Variants in KALRN observed in about 807,000 individuals in gnomAD.
KALRN encodes kalirin RhoGEF kinase, also known as kalirin.
A neutral mutation model predicts 353.7 loss-of-function variants in KALRN; 70 were observed. The observed-to-expected ratio is 0.20, with a 90% CI of 0.16 to 0.24. KALRN has a LOEUF of 0.24. Ranked by LOEUF, KALRN falls within the 10% of genes least tolerant of loss-of-function variation. The pLI, the probability that KALRN is intolerant of heterozygous loss-of-function variation, is 1.00. For synonymous variants in KALRN, 1,391 were observed against 1,434.8 expected (o/e 0.97, Z 0.69); for missense variants, 2,791 against 3,756.7 (o/e 0.74, Z 6.72).
chr3:124,299,049 A>G lies in KALRN; in HGVS notation c.1092+136A>G, dbSNP rs1389055796. The G allele has an allele frequency of 4.2e-6, 5 of 1,184,640 alleles. No individual in the cohort carries two copies. The Admixed American group carries it at 9.7e-5, about 23-fold the overall frequency. 73.4% of individuals were successfully genotyped at this position (1,184,640 alleles called of 1,614,324 possible). A position where few individuals can be genotyped will look rare whatever the true frequency, so the allele number is the denominator to read the frequency against. ...GACCCTTTGGTGTTCCATTTGTTGG[A>G]ATGGGGATGAGTGCAGGGCATGTGG... On this transcript the variant is annotated intron_variant, in intron 6 of 59. Coordinates refer to ENST00000682506, the MANE Select transcript of KALRN (RefSeq NM_001388419.1).
intron 33 of KALRN, among the ~76,000 whole-genome samples, chr3:124,536,444 C>T (rs946804010): frequency 4.6e-5 from 7 of 152,116 alleles, no homozygotes; most frequent in African/African-American, 1.2e-4. Flanking sequence ...TCAGGTGATT[C>T]GCCTGCCTCA....
chr3:124,654,998 G>C (rs1198276665), intron 38 of KALRN, among the ~76,000 whole-genome samples: 1 of 152,310 alleles, frequency 6.6e-6, no homozygotes, highest in Non-Finnish European at 1.5e-5. Flanking sequence ...TGTGATTTTG[G>C]AATGTCTGCA....
intron 37 of KALRN, among the ~76,000 whole-genome samples, chr3:124,642,951 G>T (rs865804690): frequency 1.3e-5 from 2 of 151,716 alleles, no homozygotes; most frequent in African/African-American, 4.8e-5. Flanking sequence ...TGAGTAGCTG[G>T]GATTAACAGG....
At chr3:124,143,031 C>T (rs564676769) in intron 1 of KALRN, among the ~76,000 whole-genome samples, 24 of 151,888 alleles carry the variant, frequency 1.6e-4, no homozygotes, top group Non-Finnish European at 3.4e-4. Flanking sequence ...GCACCTAATA[C>T]AGTTTCTAGT....
chr3:124,692,403 CT>C, intron 51 of KALRN, among the ~76,000 whole-genome samples: 1 of 152,220 alleles, frequency 6.6e-6, no homozygotes, highest in Non-Finnish European at 1.5e-5. Context: ...GAAATAATGT[CT>C]TTCTTCCAAA....
At position 124,453,659 on chromosome 3, in the gene KALRN, T is replaced by C. The variant is rs2059019584; in HGVS notation, c.3553-1518T>C. ...CACTTTCCTCCAGTCCAAAAGATAA[T>C]TTTTCTTCTTAGAATAGTATTTAAA... On this transcript the variant is annotated intron_variant, in intron 21 of 59. Coordinates refer to ENST00000682506, the MANE Select transcript of KALRN (RefSeq NM_001388419.1). 2.0e-5 allele frequency among the ~76,000 whole-genome samples: 3 copies of C among 152,330 alleles called. No individual in the cohort carries two copies. The South Asian group carries it at 6.2e-4, about 32-fold the overall frequency.
chr3:124,437,532 A>C (rs1262006060), intron 17 of KALRN, among the ~76,000 whole-genome samples: 1 of 152,042 alleles, frequency 6.6e-6, no homozygotes. Context: ...TCTACTAAAA[A>C]TACAAAAATT....
chr3:124,639,822 C>G (rs1012005787), intron 37 of KALRN, among the ~76,000 whole-genome samples: 1 of 152,160 alleles, frequency 6.6e-6, no homozygotes, highest in Non-Finnish European at 1.5e-5. Context: ...AGAATTAGAG[C>G]TATCTTTGGC....
chr3:124,347,226 C>T lies in KALRN; in HGVS notation c.1731C>T (p.Ala577=). 6.2e-7 allele frequency: 1 copy of T among 1,610,242 alleles called. No individual in the cohort carries two copies. The highest frequency in any genetic ancestry group is 8.5e-7 in the Non-Finnish European group (1 of 1,178,988). Residue 577 remains alanine, a synonymous_variant, in exon 10 of 60, where the codon GCC becomes GCT. Transcript: ENST00000682506. The stretch of plus-strand genomic sequence containing the variant: ...GGAAGTCCCTACATCGAGCCCGGGC[C>T]CTGCAGAAGAGGCATGATGACTTTG... The part of the protein sequence containing the change: ...GVGKSLHRAR[A]LQKRHDDFEE...
rs541663643 is a variant in KALRN, at chr3:124,234,685, C to A, written c.149-144C>A. 7.4e-5 allele frequency: 47 copies of A among 634,768 alleles called. No individual in the cohort carries two copies. In the East Asian group the frequency reaches 9.9e-4, roughly 13 times the overall value. 39.3% of individuals were successfully genotyped at this position (634,768 alleles called of 1,614,324 possible). A position where few individuals can be genotyped will look rare whatever the true frequency, so the allele number is the denominator to read the frequency against. On this transcript the variant is annotated intron_variant, in intron 2 of 59. Transcript: ENST00000682506. Reference sequence around the variant, plus strand: ...TGTGCTACCTGCATCTAGACCCCCCCACCTTGTCCTAAGCAGTGACCAGAT... The same window carrying A: ...TGTGCTACCTGCATCTAGACCCCCCAACCTTGTCCTAAGCAGTGACCAGAT...
chr3:124,220,157 C>A (rs750215340), intron 1 of KALRN, among the ~76,000 whole-genome samples: 20 of 152,096 alleles, frequency 1.3e-4, no homozygotes, highest in Non-Finnish European at 1.5e-4. Context: ...GTTGGCCAGG[C>A]TGGTCTCGAA....
At chr3:124,086,940 A>C (rs2060859388) in intron 1 of KALRN, among the ~76,000 whole-genome samples, 1 of 152,214 alleles carries the variant, frequency 6.6e-6, no homozygotes, top group Non-Finnish European at 1.5e-5. Context: ...TTTTTAACCC[A>C]ACAGTATGTC....
Position 124,667,162 on chromosome 3 carries a change from A to G in KALRN, c.6682A>G (p.Thr2228Ala), listed in dbSNP as rs2085741694. The G allele has an allele frequency of 1.2e-6, 2 of 1,613,842 alleles. No individual in the cohort carries two copies. The highest frequency in any genetic ancestry group is 2.7e-5 in the African/African-American group (2 of 74,928). ...GCAGGACATCAATCAAGTCTTAGAA[A>G]CACAGCGAGACTTTTTGAATGGTGG... Reference protein sequence around the residue: ...WVQDINQVLETQRDFLNALQS... With the variant: ...WVQDINQVLEAQRDFLNALQS... The change falls in exon 47 of 60, where the codon ACA becomes GCA. Residue 2228 changes from threonine to alanine, a missense_variant. Physicochemically the swap from Thr to Ala is moderately conservative, Grantham distance 58 (BLOSUM62 0). Transcript: ENST00000682506.
chr3:124,264,350 T>G, intron 3 of KALRN, 148 bp from the exon 4 acceptor site: 1 of 643,044 alleles, frequency 1.6e-6, no homozygotes, highest in Non-Finnish European at 2.7e-6. Context: ...CAGTTTGAGC[T>G]GAGTTTGAAG....
At chr3:124,599,171 G>T (rs991426357) in intron 34 of KALRN, among the ~76,000 whole-genome samples, 8 of 152,184 alleles carry the variant, frequency 5.3e-5, no homozygotes, top group Non-Finnish European at 1.5e-5. Context: ...AGTTTAAAAA[G>T]TATTTCCGAA....
intron 1 of KALRN, among the ~76,000 whole-genome samples, chr3:124,087,513 T>C (rs758330565): frequency 1.6e-4 from 25 of 152,224 alleles, no homozygotes; most frequent in Non-Finnish European, 3.4e-4. Flanking sequence ...CATCGAATCA[T>C]GGGGCTTTAC....
At chr3:124,137,456 C>T (rs2066060736) in intron 1 of KALRN, among the ~76,000 whole-genome samples, 1 of 152,030 alleles carries the variant, frequency 6.6e-6, no homozygotes, top group Admixed American at 6.6e-5. Context: ...TAATGAGGGA[C>T]AGCTCATTAT....
chr3:124,496,505 G>A, intron 33 of KALRN, 92 bp downstream of exon 33: 1 of 924,816 alleles, frequency 1.1e-6, no homozygotes, highest in South Asian at 1.4e-5. Context: ...CTCTCACTAT[G>A]GATCCTACCT....
At chr3:124,498,462 T>C (rs2064130667) in intron 33 of KALRN, among the ~76,000 whole-genome samples, 1 of 152,116 alleles carries the variant, frequency 6.6e-6, no homozygotes, top group Non-Finnish European at 1.5e-5. Flanking sequence ...GAGATACTTG[T>C]GGAATAAATA....
Sources: allele counts gnomAD v4.1 joint callset (sites outside exome capture counted in the v4.1 genomes callset), GRCh38; gene constraint gnomAD v4.1.1; transcripts MANE v1.5; gene names NCBI Gene and HGNC (gene_info 2026-07-23, HGNC 2026-07-21).